The following RBM47 variants were observed in gnomAD, a reference collection of about 807,000 sequenced individuals.
RBM47 encodes the protein RNA binding motif protein 47, also known as RNA-binding protein 47.
Under a neutral mutation model 47.1 loss-of-function variants are expected in RBM47, and 21 were observed. That is an observed-to-expected ratio of 0.45 (90% CI 0.32 to 0.64). The LOEUF is 0.64. Ranked by LOEUF, RBM47 falls within the 30% of genes least tolerant of loss-of-function variation. The pLI is 0.05. For synonymous variants in RBM47, 375 were observed against 361.7 expected (o/e 1.04, Z -0.42); for missense variants, 708 against 870.9 (o/e 0.81, Z 2.35).
intron 2 of RBM47, among the ~76,000 whole-genome samples, chr4:40,500,596 C>G (rs937072611): frequency 1.5e-5 from 2 of 136,514 alleles, no homozygotes; most frequent in African/African-American, 5.3e-5. Context: ...GACCCTATCT[C>G]CAAATATATA....
chr4:40,611,753 C>CA (rs1020186244), intron 1 of RBM47, among the ~76,000 whole-genome samples: 2 of 151,374 alleles, frequency 1.3e-5, no homozygotes, highest in South Asian at 4.2e-4. Context: ...CAAAACAAAA[C>CA]AAAAAAAACC....
chr4:40,467,392 C>T (rs758749685), intron 2 of RBM47, among the ~76,000 whole-genome samples: 1 of 151,918 alleles, frequency 6.6e-6, no homozygotes, highest in Non-Finnish European at 1.5e-5. Flanking sequence ...CAGGTTCATG[C>T]GATTCTCCTG....
At chr4:40,558,174 A>G (rs561131325) in intron 1 of RBM47, among the ~76,000 whole-genome samples, 7 of 152,240 alleles carry the variant, frequency 4.6e-5, no homozygotes, top group African/African-American at 1.7e-4. Flanking sequence ...GAAATAAGTG[A>G]CTCACAGTTT....
chr4:40,463,503 C>T (rs1717478904), intron 3 of RBM47, among the ~76,000 whole-genome samples: 1 of 152,108 alleles, frequency 6.6e-6, no homozygotes, highest in East Asian at 1.9e-4. Context: ...AGAAGTACCA[C>T]ATGAGCCAGC....
In RBM47 at chr4:40,432,203, TACACACACACACACACAC is replaced by T. The variant is rs61008905; in HGVS notation, c.1542+430_1542+447del. Among the ~76,000 whole-genome samples, 10 of 147,832 alleles carry T rather than the reference TACACACACACACACACAC, an allele frequency of 6.8e-5. 1 individual carries two copies. The South Asian group carries it at 8.6e-4, about 13-fold the overall frequency. ...TGTTCTTTCTCTCTCTCTCTCTCTTTACACACACACACACACACACACACACACACACACACACACGGG... is the reference window on the plus strand; with the variant it reads ...TGTTCTTTCTCTCTCTCTCTCTCTTTACACACACACACACACACACACGGG... On this transcript the variant is annotated intron_variant, in intron 6 of 6. Transcript: ENST00000295971.
At chr4:40,569,376 C>T (rs1361740472) in intron 1 of RBM47, among the ~76,000 whole-genome samples, 2 of 151,492 alleles carry the variant, frequency 1.3e-5, no homozygotes, top group Non-Finnish European at 2.9e-5. Context: ...ATCAGTGTGC[C>T]GGGAAACAAA....
intron 1 of RBM47, among the ~76,000 whole-genome samples, chr4:40,569,803 C>T (rs1366731079): frequency 2.6e-5 from 4 of 151,538 alleles, no homozygotes; most frequent in East Asian, 1.9e-4. Context: ...CTCTGCCTCC[C>T]GGTTTCAAGC....
chr4:40,581,915 C>G (rs1217792412), intron 1 of RBM47, among the ~76,000 whole-genome samples: 2 of 152,068 alleles, frequency 1.3e-5, no homozygotes, highest in Non-Finnish European at 2.9e-5. Flanking sequence ...CTCACCATAT[C>G]CAATGCTGAC....
intron 2 of RBM47, among the ~76,000 whole-genome samples, chr4:40,495,645 T>C (rs1163248241): frequency 6.6e-6 from 1 of 152,108 alleles, no homozygotes; most frequent in Non-Finnish European, 1.5e-5. Flanking sequence ...TCGTTCCCTG[T>C]ACTGAAAAGG....
At chr4:40,536,089 A>G (rs1254148527) in intron 2 of RBM47, among the ~76,000 whole-genome samples, 3 of 152,228 alleles carry the variant, frequency 2.0e-5, no homozygotes, top group Non-Finnish European at 4.4e-5. Context: ...CAAATAACTC[A>G]TTTATTTTGC....
At chr4:40,503,088 A>G (rs1035572134) in intron 2 of RBM47, among the ~76,000 whole-genome samples, 4 of 152,196 alleles carry the variant, frequency 2.6e-5, no homozygotes, top group East Asian at 1.9e-4. Context: ...AACAGTGACT[A>G]AAGTCTGACA....
intron 1 of RBM47, among the ~76,000 whole-genome samples, chr4:40,585,410 AT>A (rs1733468969): frequency 6.6e-6 from 1 of 152,240 alleles, no homozygotes; most frequent in East Asian, 1.9e-4. Flanking sequence ...TATGACTTTT[AT>A]TGTAGAGGTA....
rs117340757 is a variant in RBM47 at position 40,612,326 on chromosome 4, G to A, written c.-240+17070C>T. Among the ~76,000 whole-genome samples, 1,864 of 152,312 alleles carry A rather than the reference G, an allele frequency of 0.012. 86 individuals carry two copies. The East Asian group carries it at 0.14, about 11-fold the overall frequency. On this transcript the variant is annotated intron_variant, in intron 1 of 6. Transcript: ENST00000295971. Reference sequence around the variant, plus strand: ...GTGGGCAGATCACTTGAGGTCAGGAGTTCAAGAACAGCCTCTACTAAAAAC... The same window carrying A: ...GTGGGCAGATCACTTGAGGTCAGGAATTCAAGAACAGCCTCTACTAAAAAC...
At chr4:40,552,399 AAAATAAAT>A (rs139016282) in intron 1 of RBM47, among the ~76,000 whole-genome samples, 44 of 151,154 alleles carry the variant, frequency 2.9e-4, no homozygotes, top group African/African-American at 1.0e-3. Context: ...CTCTGTCTCA[AAAATAAAT>A]AAATAAATAA....
At chr4:40,517,069 G>A (rs1287035562) in intron 2 of RBM47, among the ~76,000 whole-genome samples, 1 of 151,838 alleles carries the variant, frequency 6.6e-6, no homozygotes, top group African/African-American at 2.4e-5. Context: ...TCTGCATTAG[G>A]GTATTTGCGT....
chr4:40,576,255 T>TGGG (rs1347085099), intron 1 of RBM47, among the ~76,000 whole-genome samples: 2 of 61,234 alleles, frequency 3.3e-5, no homozygotes, highest in East Asian at 3.2e-4. Flanking sequence ...TTTTTTTTTT[T>TGGG]TGGGGGGGGG....
At chr4:40,437,090 A>AAAAAAAAAAAAAAATATATATAT (rs1256296949) in intron 4 of RBM47, among the ~76,000 whole-genome samples, 12 of 49,788 alleles carry the variant, frequency 2.4e-4, no homozygotes, top group Non-Finnish European at 3.3e-4. Context: ...AAAAAAAAAA[A>AAAAAAAAAAAAAAATATATATAT]ATATATATAT....
chr4:40,529,066 A>G (rs1727088143), intron 2 of RBM47, among the ~76,000 whole-genome samples: 1 of 152,200 alleles, frequency 6.6e-6, no homozygotes, highest in Non-Finnish European at 1.5e-5. Flanking sequence ...TGCTGCTATC[A>G]GGATAGTAGC....
intron 2 of RBM47, among the ~76,000 whole-genome samples, chr4:40,482,464 G>C (rs56330609): frequency 1.3e-5 from 2 of 151,756 alleles, no homozygotes; most frequent in East Asian, 1.9e-4. Context: ...ATGTTGGCCA[G>C]GCTCGTCTTG....
Sources: allele counts gnomAD v4.1 joint callset (sites outside exome capture counted in the v4.1 genomes callset), GRCh38; gene constraint gnomAD v4.1.1; transcripts MANE v1.5; gene names NCBI Gene and HGNC (gene_info 2026-07-23, HGNC 2026-07-21).